Variants in SMC4 observed in about 807,000 individuals in gnomAD.
SMC4 encodes structural maintenance of chromosomes 4.
A neutral mutation model predicts 145.6 loss-of-function variants in SMC4; 87 were observed. That is an observed-to-expected ratio of 0.60 (90% confidence interval 0.50 to 0.71). The LOEUF (loss-of-function observed/expected upper bound fraction) is 0.71. Ranked by LOEUF, SMC4 falls within the 30% of genes least tolerant of loss-of-function variation. The probability of loss-of-function intolerance (pLI) is 0.00; values close to 1 mark genes in which losing one functional copy is unlikely to be tolerated. For missense variants in SMC4, 1,447 were observed against 1,537.1 expected (o/e 0.94, Z 0.98); for synonymous variants, 558 against 500.7 (o/e 1.11, Z -1.53).
chr3:160,401,343 A>T (rs1714623940), intron 2 of SMC4, among the ~76,000 whole-genome samples: 1 of 152,090 alleles, frequency 6.6e-6, no homozygotes, highest in South Asian at 2.1e-4. Context: ...TGTGAGCATG[A>T]TGAAAAGTTT....
chr3:160,432,625 C>T, intron 22 of SMC4, 110 bp downstream of exon 22: 2 of 692,036 alleles, frequency 2.9e-6, no homozygotes, highest in East Asian at 2.8e-5. Context: ...CAACTTGTTT[C>T]ATTTACTAGT....
chr3:160,408,463 A>C (rs935638464), intron 5 of SMC4, among the ~76,000 whole-genome samples: 1 of 152,244 alleles, frequency 6.6e-6, no homozygotes, highest in African/African-American at 2.4e-5. Context: ...CATATGCTTT[A>C]AGATACAAGA....
At position 160,424,867 on chromosome 3, in the gene SMC4, G is replaced by A; in HGVS notation, c.2326G>A (p.Val776Ile). ...CTCTTAGAGAAAACTTTCTTTGTAG[G>A]TAAACAAAATGGAATCACAGTTGCA... ...SLVIEISEEE[V>I]NKMESQLQND... Residue 776 changes from valine (V) to isoleucine (I), a missense_variant and splice_region_variant, in exon 16 of 24, where the codon GTA (valine) becomes ATA (isoleucine). Val to Ile is a conservative substitution (Grantham distance 29). Transcript: ENST00000357388. 6 of 1,602,926 alleles carry A rather than the reference G, an allele frequency of 3.7e-6. No individual in the cohort carries two copies. The highest frequency in any genetic ancestry group is 5.1e-6 in the Non-Finnish European group (6 of 1,174,210).
chr3:160,413,975 C>T (rs1437123872), intron 8 of SMC4: 1 of 315,090 alleles, frequency 3.2e-6, no homozygotes, highest in Non-Finnish European at 5.9e-6. Flanking sequence ...TACTTGATGC[C>T]ATTTTTCAAT....
intron 22 of SMC4, 67 bp from the exon 23 acceptor site, chr3:160,432,959 A>G (rs1243001427): frequency 2.8e-6 from 3 of 1,085,348 alleles, no homozygotes; most frequent in Middle Eastern, 2.1e-4. Context: ...AATTATGGAA[A>G]GCAAATCACA....
chr3:160,417,378 C>T lies in SMC4; in HGVS notation c.1438-345C>T, dbSNP rs186469427. On this transcript the variant is annotated intron_variant, in intron 10 of 23. Transcript: ENST00000357388. ...CAGTAGCTTTCATGATGGGATACTT[C>T]ATAGTTAGTGGATTTTCACTGTTTG... Among the ~76,000 whole-genome samples the T allele has an allele frequency of 2.2e-4, 34 of 152,252 alleles. No individual in the cohort carries two copies. In the East Asian group the frequency reaches 5.6e-3, roughly 25 times the overall value.
intron 4 of SMC4, 81 bp from the exon 5 acceptor site, chr3:160,404,246 AG>A (rs1715051005): frequency 7.9e-6 from 10 of 1,268,246 alleles, no homozygotes; most frequent in Non-Finnish European, 9.8e-6. Flanking sequence ...AATTAGTTTC[AG>A]TATGAAATGA....
At chr3:160,406,234 C>T (rs1276970310) in intron 5 of SMC4, among the ~76,000 whole-genome samples, 1 of 152,008 alleles carries the variant, frequency 6.6e-6, no homozygotes, top group African/African-American at 2.4e-5. Flanking sequence ...CCAAATAATA[C>T]AAAGGTGAAT....
chr3:160,405,532 A>G (rs1715232887), intron 5 of SMC4, among the ~76,000 whole-genome samples: 2 of 151,990 alleles, frequency 1.3e-5, no homozygotes, highest in African/African-American at 4.8e-5. Context: ...CTCTGTTTCC[A>G]TTTTAGTCTT....
chr3:160,409,049 G>A (rs1368739073), intron 5 of SMC4, among the ~76,000 whole-genome samples: 5 of 151,398 alleles, frequency 3.3e-5, no homozygotes, highest in Admixed American at 6.6e-5. Context: ...GGCGGATCAC[G>A]AGGTCAGGAG....
At chr3:160,422,801 T>A (rs1019545841) in intron 13 of SMC4, among the ~76,000 whole-genome samples, 1 of 152,152 alleles carries the variant, frequency 6.6e-6, no homozygotes, top group African/African-American at 2.4e-5. Flanking sequence ...ATATTTAGGT[T>A]TTAATCTATT....
At chr3:160,415,634 G>GAA (rs1476491332) in intron 9 of SMC4, among the ~76,000 whole-genome samples, 3 of 152,196 alleles carry the variant, frequency 2.0e-5, no homozygotes, top group African/African-American at 7.2e-5. Flanking sequence ...GGGAAATGTT[G>GAA]AACTTCACAG....
In SMC4 at chr3:160,423,603, G is replaced by C; in HGVS notation, c.2198G>C (p.Arg733Thr). ...ACAAGAGTAGCATATCAAAAAGATA[G>C]AAGATGGAGAGTGGTAACTTTACAG... ...QATRVAYQKDRRWRVVTLQGQ... is the reference protein window; with the variant it reads ...QATRVAYQKDTRWRVVTLQGQ... Residue 733 changes from arginine to threonine, a missense_variant, in exon 14 of 24, where the codon AGA (arginine) becomes ACA (threonine). Coordinates refer to ENST00000357388, the MANE Select transcript of SMC4 (RefSeq NM_001002800.3). 1 of 1,613,620 alleles carries C rather than the reference G, an allele frequency of 6.2e-7. No homozygotes were observed. Among genetic ancestry groups the C allele is most frequent in the Non-Finnish European group, 8.5e-7 (1 of 1,179,710 alleles).
At chr3:160,424,551 G>A (rs1238102768) in intron 15 of SMC4, among the ~76,000 whole-genome samples, 1 of 152,164 alleles carries the variant, frequency 6.6e-6, no homozygotes, top group Non-Finnish European at 1.5e-5. Context: ...GCTCACACCT[G>A]TAATCCCAGC....
intron 5 of SMC4, among the ~76,000 whole-genome samples, chr3:160,410,882 A>G (rs918436352): frequency 3.3e-5 from 5 of 152,210 alleles, no homozygotes; most frequent in Admixed American, 1.3e-4. Flanking sequence ...TTTAATGTGT[A>G]ATTCTTTTTG....
chr3:160,416,465 T>TA, intron 10 of SMC4, 50 bp downstream of exon 10: 2 of 1,121,716 alleles, frequency 1.8e-6, no homozygotes, highest in Non-Finnish European at 2.4e-6. Flanking sequence ...TTTTTTTTTT[T>TA]AACTTAAAGA....
chr3:160,404,774 C>A, intron 5 of SMC4: 1 of 598,542 alleles, frequency 1.7e-6, no homozygotes, highest in Non-Finnish European at 3.3e-6. Context: ...TAAATATTGG[C>A]GTAGTGAAAT....
chr3:160,421,030 C>T (rs1717117307), intron 13 of SMC4, 129 bp downstream of exon 13: 1 of 624,600 alleles, frequency 1.6e-6, no homozygotes, highest in Non-Finnish European at 2.5e-6. Context: ...CCCGGGTTCA[C>T]ACCATTCTCC....
At chr3:160,428,247 A>G (rs1718010669) in intron 17 of SMC4, among the ~76,000 whole-genome samples, 1 of 152,250 alleles carries the variant, frequency 6.6e-6, no homozygotes, top group Non-Finnish European at 1.5e-5. Flanking sequence ...CCCTAGCCAC[A>G]GAGGAATCTG....
Sources: allele counts gnomAD v4.1 joint callset (sites outside exome capture counted in the v4.1 genomes callset), GRCh38; gene constraint gnomAD v4.1.1; transcripts MANE v1.5; gene names NCBI Gene and HGNC (gene_info 2026-07-23, HGNC 2026-07-21).